CENPM: variants seen among roughly 807,000 people sequenced by gnomAD.
CENPM encodes the protein centromere protein M.
In CENPM, 14 loss-of-function variants were observed where a neutral mutation model predicts 19.6. That is an observed-to-expected ratio of 0.71 (90% CI 0.47 to 1.11). The LOEUF is 1.11. Ranked by LOEUF, CENPM falls within the 50% of genes most tolerant of loss-of-function variation. The probability of loss-of-function intolerance (pLI) is 0.00; values close to 1 mark genes in which losing one functional copy is unlikely to be tolerated. For missense variants in CENPM, 239 were observed against 228.4 expected, an observed-to-expected ratio of 1.05 and a Z score of -0.30; for synonymous variants, 114 against 101.5, an observed-to-expected ratio of 1.12 and a Z score of -0.74.
intron 1 of CENPM, chr22:41,946,736 T>G (rs2077809264): frequency 5.0e-6 from 3 of 597,326 alleles, no homozygotes; most frequent in Non-Finnish European, 8.9e-6. Context: ...CGCCGGCCTC[T>G]CCAGGAGGCC....
At chr22:41,930,924 C>A in the CENPM span, among the ~76,000 whole-genome samples, 1 of 150,918 alleles carries the variant, frequency 6.6e-6, no homozygotes, top group Non-Finnish European at 1.5e-5. Context: ...GCAACCTCCA[C>A]CTCCTGGGTT....
chr22:41,939,465 G>T (rs191630417), intron 5 of CENPM, among the ~76,000 whole-genome samples: 2 of 152,282 alleles, frequency 1.3e-5, no homozygotes, highest in Admixed American at 6.5e-5. Flanking sequence ...AACAAGGCTG[G>T]CTAGGTCGAA....
the CENPM span, among the ~76,000 whole-genome samples, chr22:41,931,497 T>A: frequency 3.0e-4 from 45 of 150,642 alleles, no homozygotes; most frequent in African/African-American, 8.1e-4. Context: ...AAAAAAATAA[T>A]AATAAAATAA....
chr22:41,927,419 C>G, the CENPM span, among the ~76,000 whole-genome samples: 8 of 152,148 alleles, frequency 5.3e-5, no homozygotes, highest in African/African-American at 1.9e-4. Flanking sequence ...CTCCATGACC[C>G]CGAGTGCTCC....
At chr22:41,944,741 A>G (rs1255636646) in intron 4 of CENPM, 2 of 985,314 alleles carry the variant, frequency 2.0e-6, no homozygotes, top group Non-Finnish European at 1.2e-6. Flanking sequence ...ACCGGAGATG[A>G]GACTAGCTCA....
downstream of CENPM, among the ~76,000 whole-genome samples, chr22:41,938,460 G>A (rs1408707201): frequency 6.7e-6 from 1 of 149,648 alleles, no homozygotes; most frequent in Non-Finnish European, 1.5e-5. Context: ...CCGCCTCCCG[G>A]GTTCAAGTGA....
chr22:41,939,004 T>C lies in CENPM; in HGVS notation c.*52A>G, dbSNP rs546315747. 6 of 1,601,412 alleles carry C rather than the reference T, an allele frequency of 3.7e-6. No homozygotes were observed. In the African/African-American group the frequency reaches 4.0e-5, roughly 11 times the overall value. Reference sequence around the variant, plus strand: ...CTGGACATCCTCAACAGAGAATGTTTATGGAGTCAGCACGAAGCCATGAGA... The same window carrying C: ...CTGGACATCCTCAACAGAGAATGTTCATGGAGTCAGCACGAAGCCATGAGA... On this transcript the variant is annotated 3_prime_UTR_variant, in exon 6 of 6. Transcript: ENST00000215980.
rs1240941752 is a variant in CENPM at position 41,939,860 on chromosome 22, G to GAA, written c.403-666_403-665dup. Among the ~76,000 whole-genome samples, 16 of 5,386 alleles carry GAA rather than the reference G, an allele frequency of 3.0e-3. 1 individual carries two copies. The highest frequency in any genetic ancestry group is 4.3e-3 in the Non-Finnish European group (7 of 1,624). The allele number at this position is 5,386 out of a possible 152,430, so 3.5% of individuals were successfully genotyped here. On this transcript the variant is annotated intron_variant, in intron 5 of 5. Transcript: ENST00000215980. Reference sequence around the variant, plus strand: ...AAAGAAAAAGAAAGAAAGAAAGAAAGAAAGAAAGAAAGAAAGAAAAAGAAA... The same window carrying GAA: ...AAAGAAAAAGAAAGAAAGAAAGAAAGAAAAAGAAAGAAAGAAAGAAAAAGAAA...
chr22:41,936,532 AG>A, downstream of CENPM, among the ~76,000 whole-genome samples: 1 of 152,320 alleles, frequency 6.6e-6, no homozygotes, highest in South Asian at 2.1e-4. Context: ...ACCTACAGAA[AG>A]GGGCAGATAG....
intron 2 of CENPM, 195 bp downstream of exon 2, chr22:41,946,222 G>A: frequency 1.5e-6 from 1 of 648,374 alleles, no homozygotes; most frequent in South Asian, 1.9e-5. Flanking sequence ...TGCCAGAAAC[G>A]GGCTCTGTTT....
At chr22:41,931,496 AT>A in the CENPM span, among the ~76,000 whole-genome samples, 2 of 151,800 alleles carry the variant, frequency 1.3e-5, no homozygotes, top group East Asian at 1.9e-4. Context: ...AAAAAAAATA[AT>A]AATAAAATAA....
chr22:41,939,776 A>G (rs1259863382), intron 5 of CENPM, among the ~76,000 whole-genome samples: 8 of 17,992 alleles, frequency 4.4e-4, no homozygotes, highest in African/African-American at 2.5e-3. Context: ...TGTCTGTCTC[A>G]AAAAAGAAAG....
intron 5 of CENPM, chr22:41,940,212 G>A (rs1427108783): frequency 6.7e-6 from 5 of 747,534 alleles, no homozygotes; most frequent in Non-Finnish European, 1.0e-5. Context: ...TATCTCCGTG[G>A]CCTGCCTGCC....
At chr22:41,945,833 T>C (rs2077793908) in intron 3 of CENPM, 80 bp downstream of exon 3, 2 of 1,157,592 alleles carry the variant, frequency 1.7e-6, no homozygotes. Flanking sequence ...CCACTTCCCA[T>C]CACAAGTTAG....
intron 4 of CENPM, among the ~76,000 whole-genome samples, chr22:41,944,392 C>T (rs996629196): frequency 6.1e-5 from 9 of 147,872 alleles, no homozygotes; most frequent in Admixed American, 1.4e-4. Context: ...GCTGAGATCA[C>T]GCCATAGCAC....
chr22:41,938,706 T>A (rs764616493), downstream of CENPM: 1 of 213,838 alleles, frequency 4.7e-6, no homozygotes, highest in Admixed American at 5.6e-5. Context: ...AGTTTCCTCA[T>A]CTACAAAGTC....
the CENPM span, among the ~76,000 whole-genome samples, chr22:41,930,187 C>T: frequency 1.3e-5 from 2 of 150,760 alleles, no homozygotes; most frequent in Non-Finnish European, 2.9e-5. Flanking sequence ...GAGATCTGCC[C>T]GCCTCGCCCT....
chr22:41,928,129 G>T, the CENPM span: 1 of 391,596 alleles, frequency 2.6e-6, no homozygotes, highest in South Asian at 2.0e-5. The surrounding 1 kb of genome is among the most constrained non-coding windows in gnomAD (Gnocchi z 4.0). Flanking sequence ...GGGACACGAG[G>T]GAGCCACTGG....
At chr22:41,935,899 GTCTC>G (rs1209039533), downstream of CENPM, among the ~76,000 whole-genome samples, 4 of 149,174 alleles carry the variant, frequency 2.7e-5, no homozygotes, top group Non-Finnish European at 4.4e-5. Flanking sequence ...TTGAGATGGA[GTCTC>G]TCTGTCACCC....
Sources: allele counts gnomAD v4.1 joint callset (sites outside exome capture counted in the v4.1 genomes callset), GRCh38; gene constraint gnomAD v4.1.1; non-coding constraint Gnocchi (gnomAD v3.1); transcripts MANE v1.5; gene names NCBI Gene and HGNC (gene_info 2026-07-23, HGNC 2026-07-21).